Variants in KCTD14 observed in about 807,000 individuals in gnomAD.
KCTD14 encodes the protein BTB/POZ domain-containing protein KCTD14.
In KCTD14, 7 loss-of-function variants were observed where a neutral mutation model predicts 5.9. The ratio of observed to expected loss-of-function variants is 1.19; its 90% confidence interval spans 0.68 to 2.23. KCTD14 has a LOEUF of 2.23. KCTD14 is among the 30% of genes most tolerant of loss of function. The probability of loss-of-function intolerance (pLI) is 0.00; values close to 1 mark genes in which losing one functional copy is unlikely to be tolerated. For missense variants in KCTD14, 342 were observed against 332.2 expected (o/e 1.03, Z -0.23); for synonymous variants, 140 against 133.1 (o/e 1.05, Z -0.36).
intron 1 of KCTD14, among the ~76,000 whole-genome samples, chr11:78,021,290 C>A (rs1420110982): frequency 5.2e-5 from 5 of 96,390 alleles, no homozygotes; most frequent in African/African-American, 1.6e-4. Flanking sequence ...AGAGGGAGAC[C>A]CTGTCTCAAA....
intron 1 of KCTD14, among the ~76,000 whole-genome samples, chr11:78,043,720 T>C (rs1858055103): frequency 6.6e-6 from 1 of 152,126 alleles, no homozygotes; most frequent in Non-Finnish European, 1.5e-5. Flanking sequence ...AGGATTCTTC[T>C]GGTGGAAGGT....
At chr11:78,018,090 C>T (rs1012123828) in intron 1 of KCTD14, among the ~76,000 whole-genome samples, 1 of 152,076 alleles carries the variant, frequency 6.6e-6, no homozygotes, top group African/African-American at 2.4e-5. Flanking sequence ...GAGTAAGACT[C>T]TGTCTCAAAA....
chr11:78,038,538 G>T, intron 2 of KCTD14: 1 of 1,115,426 alleles, frequency 9.0e-7, no homozygotes, highest in Non-Finnish European at 1.3e-6. Flanking sequence ...ACCCCATCTG[G>T]CTCCCCGCTC....
upstream of KCTD14, among the ~76,000 whole-genome samples, chr11:78,025,131 T>C (rs1480753220): frequency 9.7e-4 from 54 of 55,664 alleles, no homozygotes; most frequent in Non-Finnish European, 1.5e-3. Flanking sequence ...TATATATATA[T>C]ATATATATAT....
intron 1 of KCTD14, chr11:78,045,916 G>C (rs2136770588): frequency 6.0e-6 from 1 of 166,514 alleles, no homozygotes; most frequent in African/African-American, 2.4e-5. Context: ...CCTGTGTAGG[G>C]GCAGGAGGAG....
At chr11:78,038,648 G>A in intron 2 of KCTD14, 2 of 1,535,544 alleles carry the variant, frequency 1.3e-6, no homozygotes, top group Middle Eastern at 3.4e-4. Flanking sequence ...CCCAAGAGAG[G>A]GGGTGACCTG....
upstream of KCTD14, chr11:78,023,502 TTTTC>T (rs1042499404): frequency 7.3e-5 from 35 of 481,876 alleles, no homozygotes; most frequent in Middle Eastern, 5.5e-4. Flanking sequence ...ATTTCCTTCC[TTTTC>T]TTTCTTTCTT....
chr11:78,023,459 A>C, upstream of KCTD14: 4 of 544,932 alleles, frequency 7.3e-6, no homozygotes, highest in South Asian at 2.3e-5. Context: ...AATGGAGCAG[A>C]CCCCTTAAGG....
At chr11:78,036,052 G>C (rs1857789732) in intron 2 of KCTD14, among the ~76,000 whole-genome samples, 1 of 152,024 alleles carries the variant, frequency 6.6e-6, no homozygotes, top group African/African-American at 2.4e-5. Context: ...CCAGCTACTT[G>C]GGAGGCTGAG....
chr11:78,033,724 T>G (rs1363698025), intron 2 of KCTD14, among the ~76,000 whole-genome samples: 4 of 150,806 alleles, frequency 2.7e-5, no homozygotes, highest in Non-Finnish European at 5.9e-5. Flanking sequence ...GGCACATGCC[T>G]GTAATCCTAG....
intron 2 of KCTD14, among the ~76,000 whole-genome samples, chr11:78,030,478 T>G (rs1389459590): frequency 6.6e-6 from 1 of 152,206 alleles, no homozygotes; most frequent in Non-Finnish European, 1.5e-5. Flanking sequence ...GTGTATTTTC[T>G]GAGATGGTCT....
intron 1 of KCTD14, among the ~76,000 whole-genome samples, chr11:78,020,485 G>C (rs1167362087): frequency 6.6e-6 from 1 of 152,228 alleles, no homozygotes; most frequent in Non-Finnish European, 1.5e-5. Flanking sequence ...CCAAACAATA[G>C]AGCTGAGAAA....
intron 1 of KCTD14, among the ~76,000 whole-genome samples, chr11:78,039,082 A>C (rs1387185044): frequency 2.0e-5 from 3 of 151,782 alleles, no homozygotes; most frequent in African/African-American, 4.8e-5. Flanking sequence ...AAAAAAAAAA[A>C]AAACACAAAA....
intron 1 of KCTD14, chr11:78,022,829 G>T: frequency 3.9e-6 from 1 of 255,910 alleles, no homozygotes; most frequent in Non-Finnish European, 7.5e-6. Flanking sequence ...GGCAGAGGAG[G>T]AGTCGTGGGC....
rs1857343285 is a variant in KCTD14 at position 78,022,907 on chromosome 11, A to G, written c.90+253T>C. On this transcript the variant is annotated intron_variant, in intron 1 of 1. Transcript: ENST00000353172. ...GACCCAATGTAGAGGGAGGAAGCAA[A>G]AGGGCAAAGAGGAAAGGCTGGACAG... 4 of 479,838 alleles carry G rather than the reference A, an allele frequency of 8.3e-6. No individual in the cohort carries two copies. The South Asian group carries it at 1.4e-4, about 17-fold the overall frequency. 29.7% of individuals were successfully genotyped at this position (479,838 alleles called of 1,614,324 possible). A position where few individuals can be genotyped will look rare whatever the true frequency, so the allele number is the denominator to read the frequency against.
At chr11:78,037,675 C>T (rs972568122) in intron 2 of KCTD14, among the ~76,000 whole-genome samples, 33 of 152,092 alleles carry the variant, frequency 2.2e-4, no homozygotes, top group Admixed American at 2.0e-4. Context: ...AAAAATTAGC[C>T]GGGTGTGGTG....
upstream of KCTD14, among the ~76,000 whole-genome samples, chr11:78,025,912 C>T (rs1004878030): frequency 6.6e-6 from 1 of 152,178 alleles, no homozygotes; most frequent in Non-Finnish European, 1.5e-5. Flanking sequence ...ATTGGGGAAA[C>T]TGATCAATAC....
At chr11:78,033,479 C>T (rs10793275) in intron 2 of KCTD14, among the ~76,000 whole-genome samples, 1 of 151,348 alleles carries the variant, frequency 6.6e-6, no homozygotes, top group Non-Finnish European at 1.5e-5. Flanking sequence ...GTCAGGAGTT[C>T]AAGACCAGCC....
chr11:78,028,645 A>G (rs926634099), intron 2 of KCTD14, among the ~76,000 whole-genome samples: 2 of 150,830 alleles, frequency 1.3e-5, no homozygotes, highest in Admixed American at 6.6e-5. Context: ...CGTGACAAGT[A>G]TATTGTTATG....
Sources: allele counts gnomAD v4.1 joint callset (sites outside exome capture counted in the v4.1 genomes callset), GRCh38; gene constraint gnomAD v4.1.1; transcripts MANE v1.5; gene names NCBI Gene and HGNC (gene_info 2026-07-23, HGNC 2026-07-21).